CTNNA3: variants seen among roughly 807,000 people sequenced by gnomAD.
CTNNA3 encodes the protein catenin alpha 3, also known as catenin alpha-3.
CTNNA3 carries 76 observed loss-of-function variants against 95.7 expected under a neutral mutation model. The ratio of observed to expected loss-of-function variants is 0.79; its 90% confidence interval spans 0.66 to 0.96. The LOEUF (loss-of-function observed/expected upper bound fraction) is 0.96. Among genes scored for constraint, CTNNA3 ranks in the 40% least tolerant of loss-of-function variants. The pLI, the probability that CTNNA3 is intolerant of heterozygous loss-of-function variation, is 0.00. For missense variants in CTNNA3, 1,191 were observed against 1,089.8 expected (o/e 1.09, Z -1.31); for synonymous variants, 431 against 374.4 (o/e 1.15, Z -1.74).
intron 10 of CTNNA3, among the ~76,000 whole-genome samples, chr10:66,617,409 C>T (rs201400119): frequency 1.6e-4 from 25 of 152,122 alleles, no homozygotes; most frequent in East Asian, 7.8e-4. Flanking sequence ...GTTCAATATA[C>T]GCAAATCAAT....
intron 15 of CTNNA3, among the ~76,000 whole-genome samples, chr10:66,033,302 GT>G (rs1252284318): frequency 6.6e-6 from 1 of 150,386 alleles, no homozygotes; most frequent in African/African-American, 2.4e-5. Context: ...GGCTAATTTT[GT>G]TTTTTGTATT....
chr10:67,206,960 G>A lies in CTNNA3; in HGVS notation c.843+12647C>T, dbSNP rs149324570. On this transcript the variant is annotated intron_variant, in intron 6 of 17. Coordinates refer to ENST00000433211, the MANE Select transcript of CTNNA3 (RefSeq NM_013266.4). The stretch of plus-strand genomic sequence containing the variant: ...AGCTAAGCCAACATGGTGAAACCCC[G>A]TCTCTACTAAAAATACGAAAATTAG... Among the ~76,000 whole-genome samples, 1,173 of 152,024 alleles carry A rather than the reference G, an allele frequency of 7.7e-3. 11 individuals are homozygous for A. Among genetic ancestry groups the A allele is most frequent in the South Asian group, 0.024 (113 of 4,808 alleles).
Position 66,268,398 on chromosome 10 carries a change from T to A in CTNNA3, c.1884+12072A>T, listed in dbSNP as rs79441318. Among the ~76,000 whole-genome samples, 20 of 152,196 alleles carry A rather than the reference T, an allele frequency of 1.3e-4. No individual in the cohort carries two copies. In the East Asian group the frequency reaches 3.9e-3, roughly 29 times the overall value. On this transcript the variant is annotated intron_variant, in intron 13 of 17. Transcript: ENST00000433211. ...GTAACTTATTCTTGGATCCCTGAAA[T>A]GTCACACAAAAAGCCCGACTATCCA...
chr10:66,426,564 AC>A (rs2093242896), intron 11 of CTNNA3, among the ~76,000 whole-genome samples: 1 of 152,084 alleles, frequency 6.6e-6, no homozygotes, highest in African/African-American at 2.4e-5. Context: ...AGTGATTTTC[AC>A]ATAAAACTTA....
At chr10:66,199,365 T>C (rs1337894158) in intron 13 of CTNNA3, among the ~76,000 whole-genome samples, 1 of 152,094 alleles carries the variant, frequency 6.6e-6, no homozygotes, top group East Asian at 1.9e-4. Context: ...TTTCTGGTAG[T>C]TGACTCTTGT....
intron 5 of CTNNA3, among the ~76,000 whole-genome samples, chr10:67,507,420 C>G (rs1044584049): frequency 1.3e-5 from 2 of 151,780 alleles, no homozygotes; most frequent in African/African-American, 4.8e-5. Flanking sequence ...CCCAGCTACT[C>G]AGGAGGCTGA....
chr10:66,047,000 C>G (rs2079842311), intron 15 of CTNNA3, among the ~76,000 whole-genome samples: 1 of 151,860 alleles, frequency 6.6e-6, no homozygotes, highest in South Asian at 2.1e-4. Context: ...GCCTACCAAC[C>G]AAAAAAAGCC....
intron 5 of CTNNA3, among the ~76,000 whole-genome samples, chr10:67,350,535 G>C (rs947681898): frequency 9.7e-5 from 14 of 144,068 alleles, no homozygotes; most frequent in Admixed American, 7.0e-4. Flanking sequence ...TAACCATAAA[G>C]ATCTGTGTGA....
chr10:66,130,238 A>C (rs2083023594), intron 13 of CTNNA3, among the ~76,000 whole-genome samples: 1 of 152,160 alleles, frequency 6.6e-6, no homozygotes, highest in South Asian at 2.1e-4. Context: ...AATTTGTAGC[A>C]CTAAATGCCT....
In CTNNA3 at chr10:67,314,632, T is replaced by C. The variant is rs193125843; in HGVS notation, c.580-94762A>G. The stretch of plus-strand genomic sequence containing the variant: ...ACAAGAGTAAAATGTTCTGCATTTA[T>C]GCTCTCACTCCTTTCTCCTGCTCAT... On this transcript the variant is annotated intron_variant, in intron 5 of 17. Transcript: ENST00000433211. Among the ~76,000 whole-genome samples, 389 of 152,344 alleles carry C rather than the reference T, an allele frequency of 2.6e-3. 3 individuals are homozygous for C. Among genetic ancestry groups the C allele is most frequent in the African/African-American group, 9.1e-3 (379 of 41,576 alleles).
At chr10:67,638,176 A>T (rs1327272163) in intron 2 of CTNNA3, among the ~76,000 whole-genome samples, 2 of 152,210 alleles carry the variant, frequency 1.3e-5, no homozygotes, top group Non-Finnish European at 2.9e-5. Flanking sequence ...AAGATCTACC[A>T]AGCAAATGGA....
intron 11 of CTNNA3, among the ~76,000 whole-genome samples, chr10:66,394,371 A>G (rs2092957573): frequency 6.6e-6 from 1 of 151,970 alleles, no homozygotes. Flanking sequence ...ATTTTATGCC[A>G]TTCTTATCCT....
At chr10:67,337,532 C>T (rs56034338) in intron 5 of CTNNA3, among the ~76,000 whole-genome samples, 2,722 of 152,208 alleles carry the variant, frequency 0.018, 86 homozygotes, top group African/African-American at 0.06. Flanking sequence ...AAAGCAGTAG[C>T]CGGGTTTGAA....
chr10:67,546,569 C>T (rs1389586795), intron 3 of CTNNA3, among the ~76,000 whole-genome samples: 1 of 152,040 alleles, frequency 6.6e-6, no homozygotes, highest in African/African-American at 2.4e-5. Flanking sequence ...ACAAAGCAAT[C>T]CATATTGTAA....
chr10:66,241,303 C>G (rs1358404444), intron 13 of CTNNA3, among the ~76,000 whole-genome samples: 1 of 152,086 alleles, frequency 6.6e-6, no homozygotes, highest in Non-Finnish European at 1.5e-5. Flanking sequence ...GAATGATACA[C>G]AGTATGTTTC....
At chr10:67,694,856 T>C (rs1207362406) in intron 1 of CTNNA3, among the ~76,000 whole-genome samples, 1 of 152,138 alleles carries the variant, frequency 6.6e-6, no homozygotes, top group East Asian at 1.9e-4. Context: ...GCTTTTATAA[T>C]GAAAAAAAGT....
chr10:67,660,298 T>C (rs1840142178), intron 1 of CTNNA3, among the ~76,000 whole-genome samples: 1 of 152,192 alleles, frequency 6.6e-6, no homozygotes, highest in South Asian at 2.1e-4. Flanking sequence ...AGATGACTTT[T>C]CTCCCCTGGC....
chr10:65,936,084 G>C (rs1198422983), intron 17 of CTNNA3, among the ~76,000 whole-genome samples: 2 of 152,102 alleles, frequency 1.3e-5, no homozygotes, highest in African/African-American at 4.8e-5. Context: ...AATGCTACCA[G>C]GGAAGACAAA....
At chr10:66,170,045 T>A (rs534928479) in intron 13 of CTNNA3, among the ~76,000 whole-genome samples, 73 of 152,238 alleles carry the variant, frequency 4.8e-4, no homozygotes, top group Non-Finnish European at 9.1e-4. Flanking sequence ...CTTATTTATC[T>A]TCGTTTTTGT....
Sources: gnomAD v4.1 joint callset for allele counts (sites outside exome capture counted in the v4.1 genomes callset) on GRCh38, gnomAD v4.1.1 for gene constraint, MANE v1.5 for transcripts, NCBI Gene and HGNC (gene_info 2026-07-23, HGNC 2026-07-21) for gene names.